C12orf42: variants seen among roughly 807,000 people sequenced by gnomAD.
C12orf42 encodes the protein uncharacterized protein C12orf42.
A neutral mutation model predicts 21.6 loss-of-function variants in C12orf42; 25 were observed. The ratio of observed to expected loss-of-function variants is 1.16; its 90% CI spans 0.84 to 1.62. The LOEUF is 1.62. Among genes scored for constraint, C12orf42 ranks in the 40% most tolerant of loss-of-function variants. The pLI is 0.00. For synonymous variants in C12orf42, 174 were observed against 175.0 expected, an observed-to-expected ratio of 0.99 and a Z score of 0.05; for missense variants, 483 against 459.3, an observed-to-expected ratio of 1.05 and a Z score of -0.47.
the C12orf42 span, among the ~76,000 whole-genome samples, chr12:103,109,799 G>A: frequency 7.9e-5 from 12 of 151,898 alleles, no homozygotes; most frequent in African/African-American, 2.9e-4. Context: ...TAAAGACAAT[G>A]TATTAGCATC....
chr12:103,481,983 G>A (rs1954505199), intron 1 of C12orf42, among the ~76,000 whole-genome samples: 1 of 151,756 alleles, frequency 6.6e-6, no homozygotes, highest in African/African-American at 2.4e-5. Context: ...AATAAAACAA[G>A]GTTCTTTAAC....
intron 2 of C12orf42, among the ~76,000 whole-genome samples, chr12:103,454,069 A>G (rs973015216): frequency 6.6e-6 from 1 of 152,184 alleles, no homozygotes; most frequent in Admixed American, 6.6e-5. Flanking sequence ...CCTGAGCTAT[A>G]GTTTCCTTAA....
the C12orf42 span, among the ~76,000 whole-genome samples, chr12:103,543,956 C>T: frequency 2.7e-5 from 4 of 150,616 alleles, no homozygotes; most frequent in African/African-American, 9.8e-5. Flanking sequence ...TGCAGTGGCG[C>T]GATCTCAGCT....
At chr12:103,506,876 A>AT in the C12orf42 span, among the ~76,000 whole-genome samples, 76 of 54,808 alleles carry the variant, frequency 1.4e-3, no homozygotes, top group Admixed American at 2.3e-3. Context: ...ATATATTTAT[A>AT]TATTATATAT....
At chr12:103,254,764 G>T (rs1194027645) in intron 10 of C12orf42, among the ~76,000 whole-genome samples, 1 of 152,132 alleles carries the variant, frequency 6.6e-6, no homozygotes, top group Non-Finnish European at 1.5e-5. Context: ...CCTGCTGGGG[G>T]ATTGTGTGGG....
the C12orf42 span, among the ~76,000 whole-genome samples, chr12:103,086,782 T>C: frequency 1.3e-5 from 2 of 152,068 alleles, no homozygotes; most frequent in Non-Finnish European, 2.9e-5. Flanking sequence ...TAGGAAGCCT[T>C]CTCAGTCTTC....
At chr12:103,148,502 A>G in the C12orf42 span, among the ~76,000 whole-genome samples, 2 of 151,960 alleles carry the variant, frequency 1.3e-5, no homozygotes, top group African/African-American at 4.8e-5. Context: ...GTCTAGTTCA[A>G]TTTCTTCCTT....
Position 103,281,216 on chromosome 12 carries a change from C to T in C12orf42, n.338-4006G>A, listed in dbSNP as rs368235006. 1.7e-4 allele frequency among the ~76,000 whole-genome samples: 26 copies of T among 152,308 alleles called. No homozygotes were observed. In the East Asian group the frequency reaches 2.7e-3, roughly 16 times the overall value. ...TATTTGGGAAGAGAATTGAGATTATCTCTAAGTCTGAGAGAGGTAAAACGA... is the reference window on the plus strand; with the variant it reads ...TATTTGGGAAGAGAATTGAGATTATTTCTAAGTCTGAGAGAGGTAAAACGA... On this transcript the variant is annotated intron_variant and non_coding_transcript_variant, in intron 4 of 6. Coordinates refer to the C12orf42 transcript ENST00000546526.
chr12:103,133,945 C>T, the C12orf42 span, among the ~76,000 whole-genome samples: 1 of 152,184 alleles, frequency 6.6e-6, no homozygotes, highest in Non-Finnish European at 1.5e-5. Context: ...CATGATTGTA[C>T]ATCTCCTGAG....
chr12:103,401,603 T>A lies in C12orf42; in HGVS notation c.147+4A>T, dbSNP rs764567979. 6.2e-7 allele frequency: 1 copy of A among 1,613,610 alleles called. No homozygotes were observed. Among genetic ancestry groups the A allele is most frequent in the South Asian group, 1.1e-5 (1 of 91,046 alleles). ...GCCCTGCACATAACATTCCGCTGACTCACCTTTGCACTGGGTGTGCTTCTA... is the reference window on the plus strand; with the variant it reads ...GCCCTGCACATAACATTCCGCTGACACACCTTTGCACTGGGTGTGCTTCTA... On this transcript the variant is annotated splice_donor_region_variant and intron_variant, in intron 3 of 5. Transcript: ENST00000548883.
intron 4 of C12orf42, among the ~76,000 whole-genome samples, chr12:103,343,234 G>A (rs1678833269): frequency 6.6e-6 from 1 of 151,890 alleles, no homozygotes; most frequent in South Asian, 2.1e-4. Flanking sequence ...TTCTATATAG[G>A]TATTTAAATC....
At chr12:103,178,655 C>A in the C12orf42 span, 1 of 152,112 alleles carries the variant, frequency 6.6e-6, no homozygotes, top group East Asian at 1.9e-4. Flanking sequence ...TTTAGAGCAA[C>A]GTGGTTAAAC....
At chr12:103,282,934 C>T (rs1227031609) in intron 4 of C12orf42, among the ~76,000 whole-genome samples, 2 of 152,164 alleles carry the variant, frequency 1.3e-5, no homozygotes, top group Non-Finnish European at 2.9e-5. Flanking sequence ...AGCACCTCAA[C>T]ACAGCATTTT....
At chr12:103,218,010 G>A in the C12orf42 span, among the ~76,000 whole-genome samples, 3 of 152,204 alleles carry the variant, frequency 2.0e-5, no homozygotes, top group African/African-American at 4.8e-5. Flanking sequence ...GGCCAGGCAC[G>A]GTGGCTCACG....
At chr12:103,479,961 T>C (rs11111602) in intron 1 of C12orf42, among the ~76,000 whole-genome samples, 34,146 of 151,780 alleles carry the variant, frequency 0.22, 4,608 homozygotes, top group African/African-American at 0.37. Flanking sequence ...CTGCAAAACA[T>C]TTGGAGAATA....
the C12orf42 span, among the ~76,000 whole-genome samples, chr12:103,126,985 C>T: frequency 5.2e-4 from 79 of 152,174 alleles, no homozygotes; most frequent in Middle Eastern, 3.4e-3. Flanking sequence ...ATCAGTCTCA[C>T]GATAAAAATT....
the C12orf42 span, among the ~76,000 whole-genome samples, chr12:103,071,684 A>G: frequency 6.6e-6 from 1 of 152,148 alleles, no homozygotes; most frequent in African/African-American, 2.4e-5. Context: ...GCTGCCATGT[A>G]AGATGTGACT....
the C12orf42 span, among the ~76,000 whole-genome samples, chr12:103,555,289 A>G: frequency 6.6e-6 from 1 of 152,298 alleles, no homozygotes; most frequent in South Asian, 2.1e-4. Context: ...AGCAAGTCAC[A>G]TCTTACATGG....
chr12:103,499,361 C>T (rs1001142416), upstream of C12orf42, among the ~76,000 whole-genome samples: 9 of 152,096 alleles, frequency 5.9e-5, no homozygotes, highest in Non-Finnish European at 1.0e-4. Flanking sequence ...ACATTGTACA[C>T]GTTAAATGTA....
Sources: allele counts gnomAD v4.1 joint callset (sites outside exome capture counted in the v4.1 genomes callset), GRCh38; gene constraint gnomAD v4.1.1; transcripts MANE v1.5; gene names NCBI Gene and HGNC (gene_info 2026-07-23, HGNC 2026-07-21).